LTBP1: variants seen among roughly 807,000 people sequenced by gnomAD.
LTBP1 encodes the protein latent-transforming growth factor beta-binding protein 1.
LTBP1 carries 129 observed loss-of-function variants against 207.6 expected under a neutral mutation model. The observed-to-expected ratio is 0.62, with a 90% CI of 0.54 to 0.72. The LOEUF is 0.72. Ranked by LOEUF, LTBP1 falls within the 30% of genes least tolerant of loss-of-function variation. The pLI, the probability that LTBP1 is intolerant of heterozygous loss-of-function variation, is 0.00. For missense variants in LTBP1, 2,281 were observed against 2,217.2 expected (o/e 1.03, Z -0.58); for synonymous variants, 963 against 833.7 (o/e 1.16, Z -2.67).
intron 5 of LTBP1, among the ~76,000 whole-genome samples, chr2:33,146,121 A>G (rs1189518165): frequency 2.0e-5 from 3 of 152,210 alleles, no homozygotes; most frequent in African/African-American, 4.8e-5. Context: ...GTAATAGTCT[A>G]TCCTAAAAAT....
intron 20 of LTBP1, among the ~76,000 whole-genome samples, chr2:33,295,595 T>A (rs2093859312): frequency 1.3e-5 from 2 of 152,206 alleles, no homozygotes; most frequent in African/African-American, 4.8e-5. Flanking sequence ...TTTTTGGTGG[T>A]ACACTGTTGT....
chr2:33,078,023 G>C (rs1208688017), intron 3 of LTBP1, among the ~76,000 whole-genome samples: 1 of 152,170 alleles, frequency 6.6e-6, no homozygotes. Flanking sequence ...GTTCATTCAG[G>C]AAGAGAGGCC....
chr2:32,967,517 T>G (rs1680186699), intron 2 of LTBP1, among the ~76,000 whole-genome samples: 1 of 152,224 alleles, frequency 6.6e-6, no homozygotes, highest in South Asian at 2.1e-4. Context: ...TAAGCTGTAT[T>G]TTAATTTTCA....
intron 24 of LTBP1, among the ~76,000 whole-genome samples, chr2:33,321,414 A>G (rs1256450099): frequency 4.6e-5 from 7 of 152,198 alleles, no homozygotes; most frequent in Admixed American, 2.0e-4. Flanking sequence ...GGTGGATTCA[A>G]ACTCTCAGGC....
chr2:33,252,575 G>A (rs2149959257), intron 10 of LTBP1, 102 bp from the exon 11 acceptor site: 1 of 1,044,946 alleles, frequency 9.6e-7, no homozygotes, highest in Non-Finnish European at 1.4e-6. Context: ...ATCCTGAAGT[G>A]TGGTTTTTAA....
At chr2:33,265,083 C>T (rs2093137339) in intron 15 of LTBP1, among the ~76,000 whole-genome samples, 1 of 152,144 alleles carries the variant, frequency 6.6e-6, no homozygotes, top group African/African-American at 2.4e-5. Flanking sequence ...TGTTTGAGCC[C>T]AGCACCCAGC....
At chr2:33,042,167 G>A (rs775464829) in intron 3 of LTBP1, among the ~76,000 whole-genome samples, 2 of 152,160 alleles carry the variant, frequency 1.3e-5, no homozygotes, top group Non-Finnish European at 2.9e-5. Flanking sequence ...TGGTGAAGTG[G>A]ACCTTTAGCC....
At chr2:33,081,026 TC>T (rs1002506711) in intron 3 of LTBP1, among the ~76,000 whole-genome samples, 3 of 152,160 alleles carry the variant, frequency 2.0e-5, no homozygotes, top group African/African-American at 7.2e-5. Context: ...CAGGGAAACC[TC>T]TATATTTTAT....
intron 3 of LTBP1, among the ~76,000 whole-genome samples, chr2:33,026,403 ATT>A (rs958945311): frequency 2.6e-5 from 4 of 152,198 alleles, no homozygotes; most frequent in African/African-American, 7.2e-5. Context: ...ATATATATAT[ATT>A]TAGAGTTTTG....
chr2:33,147,787 G>T, intron 5 of LTBP1, among the ~76,000 whole-genome samples: 1 of 152,136 alleles, frequency 6.6e-6, no homozygotes, highest in Middle Eastern at 3.2e-3. Flanking sequence ...TACCATTTCA[G>T]CTCACTCCAG....
intron 7 of LTBP1, among the ~76,000 whole-genome samples, chr2:33,209,293 TAG>T (rs2090119279): frequency 6.6e-6 from 1 of 152,120 alleles, no homozygotes; most frequent in Non-Finnish European, 1.5e-5. Flanking sequence ...CTGACTTAGT[TAG>T]AGAGTCGCAT....
intron 2 of LTBP1, among the ~76,000 whole-genome samples, chr2:32,999,659 A>C (rs1406540118): frequency 7.5e-6 from 1 of 133,524 alleles, no homozygotes; most frequent in African/African-American, 2.6e-5. Context: ...TGGGAGGCCG[A>C]GGTGGGCGGA....
At chr2:33,060,895 C>CTT (rs202233860) in intron 3 of LTBP1, among the ~76,000 whole-genome samples, 1 of 151,426 alleles carries the variant, frequency 6.6e-6, no homozygotes, top group African/African-American at 2.4e-5. Context: ...AATTATATTA[C>CTT]TTTTTTTTTC....
At chr2:33,179,275 T>C (rs1419985638) in intron 5 of LTBP1, among the ~76,000 whole-genome samples, 1 of 152,222 alleles carries the variant, frequency 6.6e-6, no homozygotes, top group Non-Finnish European at 1.5e-5. Flanking sequence ...TCTTCCAGTG[T>C]AGCTCAGGGA....
At chr2:33,189,832 C>T (rs1573066725) in intron 7 of LTBP1, among the ~76,000 whole-genome samples, 1 of 151,360 alleles carries the variant, frequency 6.6e-6, no homozygotes, top group East Asian at 2.0e-4. Context: ...TCGAGACCAG[C>T]CTGGCCAACA....
chr2:33,345,558 A>G (rs757884195), intron 25 of LTBP1, among the ~76,000 whole-genome samples: 1 of 152,252 alleles, frequency 6.6e-6, no homozygotes, highest in Non-Finnish European at 1.5e-5. Context: ...TTCTGGTCTC[A>G]ATATGACTGT....
At chr2:32,968,225 C>T (rs1680288925) in intron 2 of LTBP1, among the ~76,000 whole-genome samples, 1 of 152,190 alleles carries the variant, frequency 6.6e-6, no homozygotes, top group Admixed American at 6.5e-5. Context: ...CTTGGCCTCC[C>T]AAAGTGTAAG....
chr2:33,341,920 T>G (rs886336454), intron 24 of LTBP1, among the ~76,000 whole-genome samples: 3 of 152,070 alleles, frequency 2.0e-5, no homozygotes, highest in Non-Finnish European at 4.4e-5. Context: ...ATTTGGATGC[T>G]GTCATTAACA....
At chr2:33,021,564 A>G (rs1022255346) in intron 3 of LTBP1, among the ~76,000 whole-genome samples, 1 of 152,174 alleles carries the variant, frequency 6.6e-6, no homozygotes, top group African/African-American at 2.4e-5. Flanking sequence ...TTTTGAAATA[A>G]TAATTTAAAA....
Sources: allele counts gnomAD v4.1 joint callset (sites outside exome capture counted in the v4.1 genomes callset), GRCh38; gene constraint gnomAD v4.1.1; transcripts MANE v1.5; gene names NCBI Gene and HGNC (gene_info 2026-07-23, HGNC 2026-07-21).